The following MYLK variants were observed in gnomAD, a reference collection of about 807,000 sequenced individuals.
MYLK encodes myosin light chain kinase, smooth muscle.
A neutral mutation model predicts 203.4 loss-of-function variants in MYLK; 106 were observed. The ratio of observed to expected loss-of-function variants is 0.52; its 90% CI spans 0.45 to 0.61. MYLK has a LOEUF of 0.61. Ranked by LOEUF, MYLK falls within the 20% of genes least tolerant of loss-of-function variation. The pLI, the probability that MYLK is intolerant of heterozygous loss-of-function variation, is 0.00. For missense variants in MYLK, 2,072 were observed against 2,442.3 expected (o/e 0.85, Z 3.20); for synonymous variants, 867 against 959.5 (o/e 0.90, Z 1.78).
At position 123,615,400 on chromosome 3, in the gene MYLK, C is replaced by T. The variant is rs140273763; in HGVS notation, c.5501-1051G>A. 2.4e-3 allele frequency among the ~76,000 whole-genome samples: 358 copies of T among 151,812 alleles called. 1 individual carries two copies. The highest frequency in any genetic ancestry group is 8.3e-3 in the African/African-American group (342 of 41,434). ...CCAGGCTGGAGTGCAGTAGCGTGAT[C>T]TTGGCTCACTGTAACCTCCGCCTCC... On this transcript the variant is annotated intron_variant, in intron 33 of 33. Transcript: ENST00000360304.
At chr3:123,778,669 C>G (rs985807982) in intron 4 of MYLK, among the ~76,000 whole-genome samples, 12 of 152,234 alleles carry the variant, frequency 7.9e-5, no homozygotes, top group Non-Finnish European at 1.8e-4. Context: ...ACCCCTTCCT[C>G]CACTGCCCAG....
chr3:123,855,956 C>T lies in MYLK; in HGVS notation c.-127+20603G>A, dbSNP rs1920232. 6.6e-3 allele frequency among the ~76,000 whole-genome samples: 1,002 copies of T among 152,178 alleles called. 9 individuals carry two copies. The highest frequency in any genetic ancestry group is 0.02 in the African/African-American group (842 of 41,498). On this transcript the variant is annotated intron_variant, in intron 2 of 33. Coordinates refer to ENST00000360304, the MANE Select transcript of MYLK (RefSeq NM_053025.4). ...ACTAATATAATCTTTTCCACTCATT[C>T]GAGTGTAAACATTTCAGGTAGAAAG...
intron 2 of MYLK, among the ~76,000 whole-genome samples, chr3:123,850,850 T>C (rs1236823288): frequency 6.6e-6 from 1 of 152,206 alleles, no homozygotes; most frequent in Non-Finnish European, 1.5e-5. Flanking sequence ...ATTGCCTAGG[T>C]TTTCTTCTAG....
intron 29 of MYLK, among the ~76,000 whole-genome samples, chr3:123,633,604 G>T (rs1259003650): frequency 6.6e-6 from 1 of 152,204 alleles, no homozygotes; most frequent in Non-Finnish European, 1.5e-5. Context: ...TTCACTGGAT[G>T]TATCAAGTAC....
At chr3:123,673,161 CTTT>C (rs761090869) in intron 20 of MYLK, among the ~76,000 whole-genome samples, 19 of 136,924 alleles carry the variant, frequency 1.4e-4, no homozygotes, top group East Asian at 1.1e-3. Context: ...TTTTTCTTTT[CTTT>C]TTTTTTTTTT....
At chr3:123,830,873 A>C (rs1356853751) in intron 3 of MYLK, among the ~76,000 whole-genome samples, 2 of 152,164 alleles carry the variant, frequency 1.3e-5, no homozygotes, top group African/African-American at 2.4e-5. Flanking sequence ...ACGATCACCC[A>C]CATTTTGGAA....
At chr3:123,763,807 G>A (rs542403733) in intron 4 of MYLK, among the ~76,000 whole-genome samples, 4 of 152,212 alleles carry the variant, frequency 2.6e-5, no homozygotes, top group Non-Finnish European at 2.9e-5. Flanking sequence ...TTCACTGTCC[G>A]TCAGACCGTT....
chr3:123,697,694 G>GA (rs2060989128), intron 18 of MYLK, among the ~76,000 whole-genome samples: 2 of 152,170 alleles, frequency 1.3e-5, no homozygotes, highest in Admixed American at 1.3e-4. Context: ...AGAGGCCTAA[G>GA]ATAGTGTCTA....
chr3:123,647,867 T>C (rs980137127), intron 26 of MYLK, among the ~76,000 whole-genome samples: 3 of 152,182 alleles, frequency 2.0e-5, no homozygotes, highest in Non-Finnish European at 4.4e-5. Context: ...AGCACATTTC[T>C]AATGTTGACA....
Position 123,612,335 on chromosome 3 carries a change from A to T in MYLK, c.*1770T>A, listed in dbSNP as rs1332064192. ...TGCACTGTGGTATCCTTTATTTAAA[A>T]ATTGTGAGCTGACTACAGTTGTAGT... On this transcript the variant is annotated 3_prime_UTR_variant, in exon 34 of 34. Coordinates refer to ENST00000360304, the MANE Select transcript of MYLK (RefSeq NM_053025.4). 1.3e-5 allele frequency: 2 copies of T among 152,748 alleles called. No individual in the cohort carries two copies. The highest frequency in any genetic ancestry group is 3.9e-4 in the East Asian group (2 of 5,190). The allele number at this position is 152,748 out of a possible 1,614,324, so 9.5% of individuals were successfully genotyped here.
chr3:123,790,751 T>C (rs995471306), intron 4 of MYLK, among the ~76,000 whole-genome samples: 3 of 152,234 alleles, frequency 2.0e-5, no homozygotes, highest in African/African-American at 7.2e-5. Context: ...AATAAATCTT[T>C]AGAACTTTCT....
In MYLK at chr3:123,649,027, T is replaced by G. The variant is rs1192289346; in HGVS notation, c.4359A>C (p.Thr1453=). ...CAGATACTTTTTGTTCAGTATTGATTGTCACTGTCCGGTAATCAACCTCGG... is the reference window on the plus strand; with the variant it reads ...CAGATACTTTTTGTTCAGTATTGATGGTCACTGTCCGGTAATCAACCTCGG... The part of the protein sequence containing the change: ...KEPEVDYRTV[T]INTEQKVSDF... Residue 1453 remains threonine (T), a synonymous_variant, in exon 26 of 34, where the codon ACA becomes ACC. Transcript: ENST00000360304. The G allele has an allele frequency of 2.5e-6, 4 of 1,614,040 alleles. No individual in the cohort carries two copies. Among genetic ancestry groups the G allele is most frequent in the Non-Finnish European group, 3.4e-6 (4 of 1,180,032 alleles).
At chr3:123,784,624 G>A (rs1447985704) in intron 4 of MYLK, among the ~76,000 whole-genome samples, 1 of 151,956 alleles carries the variant, frequency 6.6e-6, no homozygotes, top group African/African-American at 2.4e-5. Flanking sequence ...TAACTATAAT[G>A]AACACTTTTG....
intron 4 of MYLK, among the ~76,000 whole-genome samples, chr3:123,790,422 G>A (rs1451872729): frequency 6.6e-6 from 1 of 152,148 alleles, no homozygotes; most frequent in Non-Finnish European, 1.5e-5. Flanking sequence ...GCTACCCAAT[G>A]TATCTCCCAC....
intron 32 of MYLK, 74 bp downstream of exon 32, chr3:123,620,123 ACAAAACCAAC>A (rs1355274233): frequency 1.6e-6 from 2 of 1,280,858 alleles, no homozygotes; most frequent in African/African-American, 1.5e-5. Flanking sequence ...AAAAAAAAGA[ACAAAACCAAC>A]CAAAACCTCA....
intron 19 of MYLK, among the ~76,000 whole-genome samples, chr3:123,683,053 CTGG>C (rs2060324915): frequency 1.3e-5 from 2 of 152,038 alleles, no homozygotes; most frequent in Admixed American, 1.3e-4. Context: ...CTTGGCTGGG[CTGG>C]GCTGGGCTGG....
chr3:123,677,918 T>TATATATATATATATATATACACAC (rs1273803739), intron 20 of MYLK, among the ~76,000 whole-genome samples: 1 of 78,894 alleles, frequency 1.3e-5, no homozygotes, highest in African/African-American at 6.1e-5. Flanking sequence ...TATATATATA[T>TATATATATATATATATATACACAC]ACACACACAC....
intron 29 of MYLK, among the ~76,000 whole-genome samples, chr3:123,632,666 A>G (rs919129325): frequency 2.0e-5 from 3 of 152,168 alleles, no homozygotes; most frequent in Non-Finnish European, 4.4e-5. Flanking sequence ...TATAATACAT[A>G]CACAGCATGT....
At chr3:123,804,616 G>A (rs539997754) in intron 3 of MYLK, among the ~76,000 whole-genome samples, 1 of 152,286 alleles carries the variant, frequency 6.6e-6, no homozygotes, top group African/African-American at 2.4e-5. Flanking sequence ...GCTTTCTGCA[G>A]GGAGCTGGTT....
Sources: allele counts gnomAD v4.1 joint callset (sites outside exome capture counted in the v4.1 genomes callset), GRCh38; gene constraint gnomAD v4.1.1; transcripts MANE v1.5; gene names NCBI Gene and HGNC (gene_info 2026-07-23, HGNC 2026-07-21).